The following KCNQ3 variants were observed in gnomAD, a reference collection of about 807,000 sequenced individuals.
KCNQ3 encodes potassium voltage-gated channel subfamily KQT member 3.
KCNQ3 carries 30 observed loss-of-function variants against 92.5 expected under a neutral mutation model. The ratio of observed to expected loss-of-function variants is 0.32; its 90% CI spans 0.24 to 0.44. The LOEUF (loss-of-function observed/expected upper bound fraction) is 0.44, where lower values mean the gene tolerates loss of function less well. Ranked by LOEUF, KCNQ3 falls within the 20% of genes least tolerant of loss-of-function variation. The pLI is 1.00. For synonymous variants in KCNQ3, 450 were observed against 468.8 expected, an observed-to-expected ratio of 0.96 and a Z score of 0.52; for missense variants, 913 against 1,140.3, an observed-to-expected ratio of 0.80 and a Z score of 2.87.
At chr8:132,180,996 G>A (rs564138619) in intron 3 of KCNQ3, among the ~76,000 whole-genome samples, 1 of 151,940 alleles carries the variant, frequency 6.6e-6, no homozygotes, top group African/African-American at 2.4e-5. Flanking sequence ...CACTGTCAAC[G>A]CCCCCACACA....
chr8:132,182,109 AT>A (rs1826801692), intron 3 of KCNQ3, among the ~76,000 whole-genome samples: 1 of 151,806 alleles, frequency 6.6e-6, no homozygotes, highest in African/African-American at 2.4e-5. Context: ...TTCCTACCTT[AT>A]TAAAGTGTCC....
At chr8:132,419,420 C>T (rs1474348278) in intron 1 of KCNQ3, among the ~76,000 whole-genome samples, 1 of 152,212 alleles carries the variant, frequency 6.6e-6, no homozygotes, top group Non-Finnish European at 1.5e-5. Context: ...CATTATCTCC[C>T]TCTGTCTTAC....
Position 132,184,225 on chromosome 8 carries a change from C to A in KCNQ3, c.604+16G>T. The A allele has an allele frequency of 6.2e-7, 1 of 1,614,130 alleles. No individual in the cohort carries two copies. Among genetic ancestry groups the A allele is most frequent in the Non-Finnish European group, 8.5e-7 (1 of 1,180,006 alleles). ...AGGGAACTGAGGAGGCTGGGAGGCT[C>A]AGGGTCAGGACTTACCCAACATGCA... On this transcript the variant is annotated intron_variant, in intron 3 of 14. Transcript: ENST00000388996.
intron 1 of KCNQ3, among the ~76,000 whole-genome samples, chr8:132,332,985 A>C (rs529612825): frequency 6.6e-5 from 10 of 151,978 alleles, no homozygotes; most frequent in Admixed American, 1.3e-4. Flanking sequence ...AATCCACAAC[A>C]CTTGTTCAGA....
rs1485722980 is a variant in KCNQ3 at position 132,371,531 on chromosome 8, C to T, written c.386+108616G>A. Among the ~76,000 whole-genome samples the T allele has an allele frequency of 2.0e-5, 3 of 152,188 alleles. No individual in the cohort carries two copies. In the East Asian group the frequency reaches 5.8e-4, roughly 29 times the overall value. On this transcript the variant is annotated intron_variant, in intron 1 of 14. Transcript: ENST00000388996. ...GAAATGACTGGCAAGTAAATAAATACAACCTATGGCTACCTTCAATATGCT... is the reference window on the plus strand; with the variant it reads ...GAAATGACTGGCAAGTAAATAAATATAACCTATGGCTACCTTCAATATGCT...
intron 1 of KCNQ3, among the ~76,000 whole-genome samples, chr8:132,254,374 A>C (rs1379103546): frequency 6.6e-6 from 1 of 152,208 alleles, no homozygotes; most frequent in Non-Finnish European, 1.5e-5. Context: ...TTGCATAGAC[A>C]AATTAAAAAC....
At chr8:132,154,809 C>T (rs1461036451) in intron 9 of KCNQ3, among the ~76,000 whole-genome samples, 1 of 152,174 alleles carries the variant, frequency 6.6e-6, no homozygotes, top group African/African-American at 2.4e-5. Flanking sequence ...TAACCTCTCA[C>T]TCTTCAAAGT....
At chr8:132,286,986 T>C (rs1419348137) in intron 1 of KCNQ3, among the ~76,000 whole-genome samples, 4 of 152,170 alleles carry the variant, frequency 2.6e-5, no homozygotes, top group Middle Eastern at 3.2e-3. Context: ...TTGTCAGATA[T>C]AGCAGCCCAG....
chr8:132,192,805 A>G (rs1416120492), intron 1 of KCNQ3, among the ~76,000 whole-genome samples: 2 of 151,928 alleles, frequency 1.3e-5, no homozygotes, highest in African/African-American at 4.8e-5. Context: ...ATGCAGCACT[A>G]TGCCTGGTTA....
chr8:132,217,555 A>T (rs951777511), intron 1 of KCNQ3, among the ~76,000 whole-genome samples: 1 of 151,908 alleles, frequency 6.6e-6, no homozygotes, highest in African/African-American at 2.4e-5. Context: ...CTAAAAATAT[A>T]AAAAAATTAG....
intron 1 of KCNQ3, among the ~76,000 whole-genome samples, chr8:132,373,478 G>C (rs1403993436): frequency 6.8e-6 from 1 of 147,118 alleles, no homozygotes; most frequent in Non-Finnish European, 1.5e-5. Flanking sequence ...AGATCTAAGA[G>C]CTTGACATGT....
rs116911265 is a variant in KCNQ3, at chr8:132,309,734, G to C, written c.387-123553C>G. ...GAACTGGGTTGAAGAAGCCGACAAAGACAGGACAAATCCCCATCCCTTTAA... is the reference window on the plus strand; with the variant it reads ...GAACTGGGTTGAAGAAGCCGACAAACACAGGACAAATCCCCATCCCTTTAA... On this transcript the variant is annotated intron_variant, in intron 1 of 14. Coordinates refer to ENST00000388996, the MANE Select transcript of KCNQ3 (RefSeq NM_004519.4). Among the ~76,000 whole-genome samples the C allele has an allele frequency of 3.3e-5, 5 of 152,306 alleles. No homozygotes were observed. In the East Asian group the frequency reaches 9.7e-4, roughly 29 times the overall value.
rs201324021 is a variant in KCNQ3 at position 132,411,378 on chromosome 8, TG to T, written c.386+68768del. On this transcript the variant is annotated intron_variant, in intron 1 of 14. Coordinates refer to ENST00000388996, the MANE Select transcript of KCNQ3 (RefSeq NM_004519.4). ...ATTACAGGGGACACCGACATGGGATTGGGGACGTAGGAATGTCAGACTAGAG... is the reference window on the plus strand; with the variant it reads ...ATTACAGGGGACACCGACATGGGATTGGGACGTAGGAATGTCAGACTAGAG... Among the ~76,000 whole-genome samples the T allele has an allele frequency of 3.6e-4, 55 of 152,146 alleles. No homozygotes were observed. The East Asian group carries it at 9.3e-3, about 26-fold the overall frequency.
At chr8:132,280,567 A>G (rs896575634) in intron 1 of KCNQ3, among the ~76,000 whole-genome samples, 2 of 152,270 alleles carry the variant, frequency 1.3e-5, no homozygotes, top group South Asian at 4.2e-4. Flanking sequence ...ACCTCCCATC[A>G]GGCCCCACCT....
chr8:132,424,514 C>A (rs949991182), intron 1 of KCNQ3, among the ~76,000 whole-genome samples: 8 of 152,196 alleles, frequency 5.3e-5, no homozygotes, highest in Admixed American at 3.3e-4. Context: ...GGCAAGAGCC[C>A]AGGGCTCTGG....
intron 1 of KCNQ3, among the ~76,000 whole-genome samples, chr8:132,336,386 C>T (rs1249610239): frequency 6.6e-6 from 1 of 152,190 alleles, no homozygotes; most frequent in Admixed American, 6.5e-5. Flanking sequence ...ACACAAGGCC[C>T]ACTGTAGTGA....
intron 1 of KCNQ3, among the ~76,000 whole-genome samples, chr8:132,319,314 G>C (rs1353503881): frequency 6.6e-6 from 1 of 152,126 alleles, no homozygotes; most frequent in Non-Finnish European, 1.5e-5. Context: ...TTTGACCCTA[G>C]GTTTGTCTAA....
chr8:132,342,291 G>A (rs1563869072), intron 1 of KCNQ3, among the ~76,000 whole-genome samples: 2 of 151,426 alleles, frequency 1.3e-5, no homozygotes, highest in African/African-American at 2.4e-5. Flanking sequence ...ATCCAACTCT[G>A]TCCCCATCCA....
intron 1 of KCNQ3, among the ~76,000 whole-genome samples, chr8:132,420,846 C>A (rs748428405): frequency 2.0e-5 from 3 of 152,096 alleles, no homozygotes; most frequent in Non-Finnish European, 4.4e-5. Context: ...GCACAGAGGG[C>A]CCCTGGGTTT....
Sources: allele counts gnomAD v4.1 joint callset (sites outside exome capture counted in the v4.1 genomes callset), GRCh38; gene constraint gnomAD v4.1.1; transcripts MANE v1.5; gene names NCBI Gene and HGNC (gene_info 2026-07-23, HGNC 2026-07-21).